Variants in DMD observed in about 807,000 individuals in gnomAD.
The protein encoded by DMD is mutant dystrophin.
DMD carries 63 observed loss-of-function variants against 330.1 expected under a neutral mutation model. That is an observed-to-expected ratio of 0.19 (90% confidence interval 0.16 to 0.24). The LOEUF (loss-of-function observed/expected upper bound fraction) is 0.24, where lower values mean the gene tolerates loss of function less well. Among genes scored for constraint, DMD ranks in the 10% least tolerant of loss-of-function variants. The pLI, the probability that DMD is intolerant of heterozygous loss-of-function variation, is 1.00. For synonymous variants in DMD, 1,223 were observed against 959.8 expected (o/e 1.27, Z -5.07); for missense variants, 3,344 against 2,684.1 (o/e 1.25, Z -5.43).
intron 7 of DMD, among the ~76,000 whole-genome samples, chrX:32,729,809 C>A (rs1295764492): frequency 1.8e-5 from 2 of 111,727 alleles, no homozygotes; most frequent in Admixed American, 1.9e-4. Flanking sequence ...AAAGTAAAAA[C>A]GTTGTCTCAG....
At chrX:32,170,286 C>A (rs1242503179) in intron 44 of DMD, among the ~76,000 whole-genome samples, 1 of 109,546 alleles carries the variant, frequency 9.1e-6, no homozygotes, top group Non-Finnish European at 1.9e-5. Flanking sequence ...GCCTGACCAA[C>A]ATGGTGAAAC....
At chrX:31,494,687 T>C (rs1042328118) in intron 57 of DMD, among the ~76,000 whole-genome samples, 2 of 111,933 alleles carry the variant, frequency 1.8e-5, no homozygotes, top group African/African-American at 6.5e-5. Context: ...CAACCAAAAC[T>C]AATAACCAGG....
At chrX:31,332,002 T>G (rs1017867128) in intron 61 of DMD, among the ~76,000 whole-genome samples, 2 of 112,177 alleles carry the variant, frequency 1.8e-5, no homozygotes, top group Admixed American at 9.4e-5. Context: ...TTGGGGCCCA[T>G]TTTTCACTCA....
chrX:33,248,097 G>A (rs5928213), intron 1 of DMD, among the ~76,000 whole-genome samples: 66,385 of 109,481 alleles, frequency 0.61, 17,329 homozygotes, highest in Non-Finnish European at 0.83. Context: ...GCTGGAGTGC[G>A]GTGGCGCGAT....
At chrX:31,777,894 G>C (rs1311164033) in intron 50 of DMD, among the ~76,000 whole-genome samples, 1 of 111,612 alleles carries the variant, frequency 9.0e-6, no homozygotes, top group African/African-American at 3.3e-5. Context: ...ACATTCGTAT[G>C]GGATTTTATG....
At chrX:32,284,067 A>G (rs2097430522) in intron 43 of DMD, among the ~76,000 whole-genome samples, 1 of 111,770 alleles carries the variant, frequency 8.9e-6, no homozygotes, top group Non-Finnish European at 1.9e-5. Context: ...TCATAGCTTG[A>G]TAGTAGATAT....
At chrX:32,953,061 G>A (rs1490973260) in intron 2 of DMD, among the ~76,000 whole-genome samples, 1 of 106,681 alleles carries the variant, frequency 9.4e-6, no homozygotes, top group African/African-American at 3.4e-5. Flanking sequence ...CTTGAACCCA[G>A]GAGATGGAGG....
In DMD at chrX:32,695,716, T is replaced by A. The variant is rs1287500512; in HGVS notation, c.960+2154A>T. ...AGTGGTGAAGACAGAGATACAATGA[T>A]CATTTGCATACAGATTGAATACAGA... On this transcript the variant is annotated intron_variant, in intron 9 of 78. Coordinates refer to ENST00000357033, the MANE Select transcript of DMD (RefSeq NM_004006.3). Among the ~76,000 whole-genome samples, 37 of 111,830 alleles carry A rather than the reference T, an allele frequency of 3.3e-4. No homozygotes were observed. In the Admixed American group the frequency reaches 3.3e-3, roughly 10 times the overall value.
chrX:32,113,747 T>A lies in DMD; in HGVS notation c.6438+103169A>T, dbSNP rs775469871. On this transcript the variant is annotated intron_variant, in intron 44 of 78. Coordinates refer to ENST00000357033, the MANE Select transcript of DMD (RefSeq NM_004006.3). The stretch of plus-strand genomic sequence containing the variant: ...CGATTCTAGGAATTTATTGTCCAAT[T>A]TTAATTTCCTGATCATAGTTATAGC... Among the ~76,000 whole-genome samples the A allele has an allele frequency of 7.1e-5, 8 of 112,001 alleles. No individual in the cohort carries two copies. The South Asian group carries it at 3.0e-3, about 41-fold the overall frequency.
At chrX:31,456,646 G>C (rs1333723419) in intron 59 of DMD, among the ~76,000 whole-genome samples, 1 of 111,404 alleles carries the variant, frequency 9.0e-6, no homozygotes, top group Non-Finnish European at 1.9e-5. Context: ...GTACAGGGCA[G>C]CTGTAAAAGA....
At chrX:32,672,536 T>C (rs2061694431) in intron 9 of DMD, among the ~76,000 whole-genome samples, 1 of 110,380 alleles carries the variant, frequency 9.1e-6, no homozygotes, top group South Asian at 3.9e-4. Flanking sequence ...ATTAATCACC[T>C]CCCCAATCCC....
intron 7 of DMD, among the ~76,000 whole-genome samples, chrX:32,709,290 G>T: frequency 8.9e-6 from 1 of 111,958 alleles, no homozygotes; most frequent in East Asian, 2.8e-4. Context: ...AAGTGAAAAA[G>T]AGAGTAAGCA....
Position 32,518,027 on chromosome X carries a change from T to C in DMD, c.2273A>G (p.Asp758Gly), listed in dbSNP as rs750526692. The C allele has an allele frequency of 2.5e-6, 3 of 1,210,733 alleles. No individual in the cohort carries two copies. Among genetic ancestry groups the C allele is most frequent in the Non-Finnish European group, 2.2e-6 (2 of 894,625 alleles). ...ACCTACATTGACTTTTTCTTTTAAGTCTGAGAAGTTGCCTTCCTTCCGAAA... is the reference window on the plus strand; with the variant it reads ...ACCTACATTGACTTTTTCTTTTAAGCCTGAGAAGTTGCCTTCCTTCCGAAA... ...AIFRKEGNFS[D>G]LKEKVNAIER... The change falls in exon 18 of 79, where the codon GAC becomes GGC. Residue 758 changes from aspartate to glycine, a missense_variant. Coordinates refer to ENST00000357033, the MANE Select transcript of DMD (RefSeq NM_004006.3).
intron 64 of DMD, among the ~76,000 whole-genome samples, chrX:31,214,544 C>A (rs1164354398): frequency 8.9e-6 from 1 of 111,921 alleles, no homozygotes; most frequent in Admixed American, 9.4e-5. Flanking sequence ...CCAACACTTA[C>A]ATCGGCCTAC....
intron 74 of DMD, among the ~76,000 whole-genome samples, chrX:31,157,049 G>A (rs1282731172): frequency 8.9e-6 from 1 of 111,866 alleles, no homozygotes; most frequent in Non-Finnish European, 1.9e-5. Context: ...AGATTTCCTT[G>A]ATTTGACCCA....
chrX:32,371,347 T>C (rs2097876885), intron 34 of DMD, among the ~76,000 whole-genome samples: 1 of 111,128 alleles, frequency 9.0e-6, no homozygotes, highest in Non-Finnish European at 1.9e-5. Context: ...TGTGTTTGTG[T>C]GTGTTCCTCT....
intron 43 of DMD, among the ~76,000 whole-genome samples, chrX:32,246,344 G>T (rs1382103181): frequency 2.0e-5 from 2 of 101,565 alleles, no homozygotes; most frequent in Non-Finnish European, 4.0e-5. Context: ...GCTTTTTGAT[G>T]TGCTGCTGGA....
In DMD at chrX:32,108,730, T is replaced by G. The variant is rs780246179; in HGVS notation, c.6438+108186A>C. On this transcript the variant is annotated intron_variant, in intron 44 of 78. Coordinates refer to ENST00000357033, the MANE Select transcript of DMD (RefSeq NM_004006.3). ...ACAGAAAATATAACTTTGATATTGA[T>G]AGTCTGAAACTCTCTACCCCAACCT... 3.6e-5 allele frequency among the ~76,000 whole-genome samples: 4 copies of G among 111,940 alleles called. No individual in the cohort carries two copies. In the South Asian group the frequency reaches 1.5e-3, roughly 41 times the overall value.
chrX:32,666,844 C>T (rs1396926058), intron 9 of DMD, among the ~76,000 whole-genome samples: 1 of 106,446 alleles, frequency 9.4e-6, no homozygotes, highest in Non-Finnish European at 1.9e-5. Context: ...AAAAAAACAG[C>T]AAGCAAAGAC....
Sources: gnomAD v4.1 joint callset for allele counts (sites outside exome capture counted in the v4.1 genomes callset) on GRCh38, gnomAD v4.1.1 for gene constraint, MANE v1.5 for transcripts, NCBI Gene and HGNC (gene_info 2026-07-23, HGNC 2026-07-21) for gene names.